BABAM2: variants seen among roughly 807,000 people sequenced by gnomAD.
The protein encoded by BABAM2 is BRISC and BRCA1 A complex member 2, also known as BRISC and BRCA1-A complex member 2.
Under a neutral mutation model 54.7 loss-of-function variants are expected in BABAM2, and 31 were observed. That is an observed-to-expected ratio of 0.57 (90% CI 0.43 to 0.77). The LOEUF is 0.77. Among genes scored for constraint, BABAM2 ranks in the 30% least tolerant of loss-of-function variants. The pLI is 0.00. For missense variants in BABAM2, 364 were observed against 455.8 expected (o/e 0.80, Z 1.83); for synonymous variants, 167 against 162.9 (o/e 1.03, Z -0.19).
Position 28,103,232 on chromosome 2 carries a change from A to G in BABAM2, c.571-26039A>G, listed in dbSNP as rs75135563. Among the ~76,000 whole-genome samples the G allele has an allele frequency of 8.9e-4, 136 of 152,294 alleles. 1 individual carries two copies. The East Asian group carries it at 0.019, about 22-fold the overall frequency. Reference sequence around the variant, plus strand: ...TCCAGATGGATGAAGCAGAATTATGAAAGTGATATTCAACGTGTCCTACTT... The same window carrying G: ...TCCAGATGGATGAAGCAGAATTATGGAAGTGATATTCAACGTGTCCTACTT... On this transcript the variant is annotated intron_variant, in intron 6 of 11. Coordinates refer to ENST00000379624, the MANE Select transcript of BABAM2 (RefSeq NM_199191.3).
chr2:28,024,773 G>A (rs544212794), intron 4 of BABAM2, among the ~76,000 whole-genome samples: 8 of 152,112 alleles, frequency 5.3e-5, no homozygotes, highest in Admixed American at 1.3e-4. Context: ...TTTACAGAGC[G>A]TTTATTTATA....
chr2:28,015,221 T>A (rs1236255694), intron 4 of BABAM2, among the ~76,000 whole-genome samples: 3 of 152,192 alleles, frequency 2.0e-5, no homozygotes, highest in African/African-American at 7.2e-5. Context: ...AAAGGCACAC[T>A]ATTCTGCTAG....
intron 4 of BABAM2, among the ~76,000 whole-genome samples, chr2:27,991,701 A>G (rs1672785584): frequency 1.3e-5 from 2 of 152,192 alleles, no homozygotes; most frequent in Admixed American, 6.5e-5. Flanking sequence ...ATTGTTTTCA[A>G]TGAAGCATGT....
Position 28,112,147 on chromosome 2 carries a change from T to TTCTTTCTTTCCTTCCCTCCC in BABAM2, c.571-17123_571-17122insCTTTCTTTCCTTCCCTCCCT, listed in dbSNP as rs1558346715. ...TTTCTTTCTTTCTTTCTTTCTTTCT[T>TTCTTTCTTTCCTTCCCTCCC]TACCTCCCTCCCTCCCTCCCTCCCT... On this transcript the variant is annotated intron_variant, in intron 6 of 11. Coordinates refer to ENST00000379624, the MANE Select transcript of BABAM2 (RefSeq NM_199191.3). 1.5e-3 allele frequency among the ~76,000 whole-genome samples: 8 copies of TTCTTTCTTTCCTTCCCTCCC among 5,238 alleles called. 3 individuals are homozygous for TTCTTTCTTTCCTTCCCTCCC. Among genetic ancestry groups the TTCTTTCTTTCCTTCCCTCCC allele is most frequent in the Admixed American group, 4.9e-3 (2 of 410 alleles). 3.4% of individuals were successfully genotyped at this position (5,238 alleles called of 152,430 possible).
chr2:27,959,838 T>C (rs891800855), intron 3 of BABAM2, among the ~76,000 whole-genome samples: 1 of 152,210 alleles, frequency 6.6e-6, no homozygotes, highest in African/African-American at 2.4e-5. Flanking sequence ...TTGATTTTTT[T>C]TTTTCGTACT....
At chr2:28,239,651 A>G (rs879285148) in intron 8 of BABAM2, among the ~76,000 whole-genome samples, 7 of 152,244 alleles carry the variant, frequency 4.6e-5, no homozygotes, top group African/African-American at 1.7e-4. Flanking sequence ...TAGGAGCTCA[A>G]GATAACCAAA....
At chr2:28,120,956 T>C (rs1164886183) in intron 6 of BABAM2, among the ~76,000 whole-genome samples, 1 of 152,238 alleles carries the variant, frequency 6.6e-6, no homozygotes, top group Non-Finnish European at 1.5e-5. Flanking sequence ...TGCTAATGTA[T>C]AAAGAGTGGC....
chr2:27,923,897 G>A (rs72810587), intron 2 of BABAM2, among the ~76,000 whole-genome samples: 12,202 of 152,108 alleles, frequency 0.08, 753 homozygotes, highest in African/African-American at 0.17. Flanking sequence ...GCCTGAGCTC[G>A]GGAGTTTGAA....
intron 4 of BABAM2, among the ~76,000 whole-genome samples, chr2:28,008,310 C>A (rs1020233156): frequency 9.2e-5 from 14 of 152,032 alleles, no homozygotes; most frequent in Admixed American, 7.9e-4. Flanking sequence ...AATGAAGAGA[C>A]CATGGGAAGA....
chr2:27,972,002 A>G (rs1420379904), intron 3 of BABAM2, among the ~76,000 whole-genome samples: 1 of 152,194 alleles, frequency 6.6e-6, no homozygotes, highest in African/African-American at 2.4e-5. Flanking sequence ...TTGTTGTTTT[A>G]TGCACCGAAA....
intron 10 of BABAM2, among the ~76,000 whole-genome samples, chr2:28,295,561 T>C (rs1315079182): frequency 6.6e-6 from 1 of 152,142 alleles, no homozygotes; most frequent in African/African-American, 2.4e-5. Flanking sequence ...AGTGGCGCTG[T>C]CTCGGCTCAC....
intron 3 of BABAM2, among the ~76,000 whole-genome samples, chr2:27,940,631 T>C (rs569630157): frequency 6.6e-6 from 1 of 152,340 alleles, no homozygotes; most frequent in African/African-American, 2.4e-5. Context: ...AACAGTTTGC[T>C]AACATTGGTT....
At chr2:27,958,088 T>C (rs983731320) in intron 3 of BABAM2, among the ~76,000 whole-genome samples, 4 of 152,348 alleles carry the variant, frequency 2.6e-5, no homozygotes, top group South Asian at 2.1e-4. Context: ...CTGAACACCA[T>C]TGAGTGATCT....
At chr2:28,035,333 T>G (rs149306574) in intron 5 of BABAM2, among the ~76,000 whole-genome samples, 1 of 152,264 alleles carries the variant, frequency 6.6e-6, no homozygotes, top group Non-Finnish European at 1.5e-5. Context: ...CTGGGGAGCC[T>G]GGAAGTGGAT....
intron 10 of BABAM2, among the ~76,000 whole-genome samples, chr2:28,252,034 A>G (rs1449222949): frequency 6.6e-6 from 1 of 152,146 alleles, no homozygotes; most frequent in Non-Finnish European, 1.5e-5. Context: ...CTAAAAATAC[A>G]AAAATTAGCC....
intron 7 of BABAM2, among the ~76,000 whole-genome samples, chr2:28,211,970 A>G (rs949627223): frequency 1.1e-4 from 16 of 152,234 alleles, no homozygotes; most frequent in African/African-American, 3.1e-4. Flanking sequence ...AGTCTATAGC[A>G]TTAGATTTTT....
chr2:28,150,403 G>C (rs907043166), intron 7 of BABAM2, among the ~76,000 whole-genome samples: 1 of 152,080 alleles, frequency 6.6e-6, no homozygotes, highest in African/African-American at 2.4e-5. Flanking sequence ...GAGGGGAGGG[G>C]GAAAAAGCTG....
rs1403614060 is a variant in BABAM2 at position 27,995,848 on chromosome 2, G to A, written c.300+7761G>A. On this transcript the variant is annotated intron_variant, in intron 4 of 11. Transcript: ENST00000379624. The surrounding 1 kb of genome is among the most constrained non-coding windows in gnomAD (Gnocchi z 4.1). Reference sequence around the variant, plus strand: ...GCCCACCTCGGCCTCCCAAAGTGCTGGGATTACAGGCGTGAGCCACTGCAC... The same window carrying A: ...GCCCACCTCGGCCTCCCAAAGTGCTAGGATTACAGGCGTGAGCCACTGCAC... Among the ~76,000 whole-genome samples the A allele has an allele frequency of 1.3e-5, 2 of 152,096 alleles. No homozygotes were observed. The highest frequency in any genetic ancestry group is 4.8e-5 in the African/African-American group (2 of 41,410).
At chr2:28,000,188 C>T (rs2148510933) in intron 4 of BABAM2, among the ~76,000 whole-genome samples, 1 of 152,166 alleles carries the variant, frequency 6.6e-6, no homozygotes, top group South Asian at 2.1e-4. Context: ...AAAATTTTTT[C>T]TTAATGTCCT....
Sources: gnomAD v4.1 joint callset for allele counts (sites outside exome capture counted in the v4.1 genomes callset) on GRCh38, gnomAD v4.1.1 for gene constraint, Gnocchi (gnomAD v3.1) non-coding constraint, MANE v1.5 for transcripts, NCBI Gene and HGNC (gene_info 2026-07-23, HGNC 2026-07-21) for gene names.